PXT1: variants seen among roughly 807,000 people sequenced by gnomAD.
PXT1 encodes the protein peroxisomal testis-specific protein 1.
A neutral mutation model predicts 11.0 loss-of-function variants in PXT1; 11 were observed. The observed-to-expected ratio is 1.00, with a 90% CI of 0.63 to 1.66. The LOEUF is 1.66. Ranked by LOEUF, PXT1 falls within the 40% of genes most tolerant of loss-of-function variation. The pLI is 0.00. For missense variants in PXT1, 141 were observed against 155.5 expected (o/e 0.91, Z 0.49); for synonymous variants, 43 against 51.4 (o/e 0.84, Z 0.70).
At chr6:36,410,710 A>G (rs12190911) in intron 3 of PXT1, among the ~76,000 whole-genome samples, 34,947 of 152,112 alleles carry the variant, frequency 0.23, 4,176 homozygotes, top group East Asian at 0.39. Context: ...TTCTTGATGG[A>G]CGTTGGCACC....
At chr6:36,405,861 C>T (rs1043547148) in intron 3 of PXT1, among the ~76,000 whole-genome samples, 10 of 152,180 alleles carry the variant, frequency 6.6e-5, no homozygotes, top group East Asian at 5.8e-4. Context: ...ATATTCAGTA[C>T]GGTAACATGC....
intron 2 of PXT1, among the ~76,000 whole-genome samples, chr6:36,427,837 G>C (rs961973016): frequency 2.0e-5 from 3 of 152,128 alleles, no homozygotes; most frequent in Non-Finnish European, 2.9e-5. Flanking sequence ...TTACTGGACG[G>C]CCAGCCATAC....
intron 4 of PXT1, among the ~76,000 whole-genome samples, chr6:36,398,119 A>G (rs1262996005): frequency 6.6e-6 from 1 of 152,230 alleles, no homozygotes; most frequent in African/African-American, 2.4e-5. Flanking sequence ...CAATAAGCAT[A>G]TGAAAAGATG....
At chr6:36,434,166 TA>T (rs536955566) in intron 2 of PXT1, among the ~76,000 whole-genome samples, 2,154 of 148,256 alleles carry the variant, frequency 0.015, 47 homozygotes, top group African/African-American at 0.047. Context: ...ACCCTGTCTC[TA>T]AAAAAAAAGA....
chr6:36,396,990 C>G (rs55996868), intron 4 of PXT1, among the ~76,000 whole-genome samples: 71,533 of 151,532 alleles, frequency 0.47, 17,261 homozygotes, highest in Middle Eastern at 0.58. Flanking sequence ...GCTACTCTCT[C>G]CAGGGCCTCC....
At chr6:36,418,845 G>A (rs1774487002) in intron 3 of PXT1, among the ~76,000 whole-genome samples, 1 of 152,192 alleles carries the variant, frequency 6.6e-6, no homozygotes, top group African/African-American at 2.4e-5. Context: ...TGGGTTCAAA[G>A]TTCTCTGACA....
intron 2 of PXT1, among the ~76,000 whole-genome samples, chr6:36,437,820 C>CTT (rs375905408): frequency 0.011 from 898 of 79,426 alleles, 19 homozygotes; most frequent in African/African-American, 0.032. Context: ...CCAGCCACTG[C>CTT]TTTTTTTTTT....
intron 3 of PXT1, among the ~76,000 whole-genome samples, chr6:36,423,479 T>TGGCGACGCGGCCGGC (rs1349552964): frequency 6.6e-6 from 1 of 152,146 alleles, no homozygotes; most frequent in Non-Finnish European, 1.5e-5. Flanking sequence ...GGAGCGCACA[T>TGGCGACGCGGCCGGC]GGCGACGCGG....
At chr6:36,441,680 T>A (rs1231775594) in intron 1 of PXT1, among the ~76,000 whole-genome samples, 2 of 152,146 alleles carry the variant, frequency 1.3e-5, no homozygotes, top group Non-Finnish European at 2.9e-5. Context: ...CATGTTGAGA[T>A]AAACACAATA....
At chr6:36,392,976 C>CTT (rs879755090) in intron 4 of PXT1, 2 of 145,560 alleles carry the variant, frequency 1.4e-5, no homozygotes, top group Non-Finnish European at 1.5e-5. Context: ...CTGACCATAT[C>CTT]TTTTTTTTTT....
chr6:36,423,543 A>G (rs1448664423), intron 3 of PXT1, among the ~76,000 whole-genome samples: 2 of 152,234 alleles, frequency 1.3e-5, no homozygotes, highest in Non-Finnish European at 2.9e-5. Context: ...AGCGGGAGTT[A>G]GGGAGGCCGG....
intron 3 of PXT1, among the ~76,000 whole-genome samples, chr6:36,404,901 G>A (rs1774266864): frequency 6.6e-6 from 1 of 152,180 alleles, no homozygotes; most frequent in Non-Finnish European, 1.5e-5. Flanking sequence ...AGGTTGCAGT[G>A]AGCCACGATT....
intron 3 of PXT1, among the ~76,000 whole-genome samples, chr6:36,409,932 C>G (rs28371845): frequency 1.3e-4 from 15 of 116,788 alleles, no homozygotes; most frequent in Admixed American, 2.8e-4. Context: ...GAAGAAAGGA[C>G]GAAGGAAAGA....
At chr6:36,404,511 G>A (rs372082199) in intron 3 of PXT1, among the ~76,000 whole-genome samples, 1 of 152,098 alleles carries the variant, frequency 6.6e-6, no homozygotes, top group Non-Finnish European at 1.5e-5. Context: ...TTGTAGAGAT[G>A]GACTCTTGCC....
intron 3 of PXT1, among the ~76,000 whole-genome samples, chr6:36,416,522 C>T (rs998671921): frequency 7.2e-5 from 11 of 152,158 alleles, no homozygotes; most frequent in Non-Finnish European, 1.5e-4. Context: ...AAAATTCATC[C>T]TATCCTTCTG....
At chr6:36,426,886 C>CAT (rs1774616062) in intron 2 of PXT1, among the ~76,000 whole-genome samples, 1 of 152,166 alleles carries the variant, frequency 6.6e-6, no homozygotes, top group Non-Finnish European at 1.5e-5. Context: ...TTTGATCCTT[C>CAT]ATACACACAC....
At chr6:36,423,940 C>T (rs1381175730) in intron 3 of PXT1, among the ~76,000 whole-genome samples, 3 of 152,178 alleles carry the variant, frequency 2.0e-5, no homozygotes, top group African/African-American at 4.8e-5. Context: ...TGTACGTTAG[C>T]TAGTGGGTTG....
intron 3 of PXT1, among the ~76,000 whole-genome samples, chr6:36,424,813 G>A (rs1170234042): frequency 1.3e-5 from 2 of 151,998 alleles, no homozygotes; most frequent in Non-Finnish European, 2.9e-5. Flanking sequence ...TGGCCAACAC[G>A]GTGAAACCCC....
At chr6:36,422,604 T>G (rs1205191537) in intron 3 of PXT1, among the ~76,000 whole-genome samples, 1 of 152,130 alleles carries the variant, frequency 6.6e-6, no homozygotes, top group African/African-American at 2.4e-5. Flanking sequence ...CCTAGCACAG[T>G]GCCTGGAATA....
Sources: gnomAD v4.1 joint callset for allele counts (sites outside exome capture counted in the v4.1 genomes callset) on GRCh38, gnomAD v4.1.1 for gene constraint, MANE v1.5 for transcripts, NCBI Gene and HGNC (gene_info 2026-07-23, HGNC 2026-07-21) for gene names.